Variants in AGAP3 observed in about 807,000 individuals in gnomAD.
AGAP3 encodes arf-GAP with GTPase, ANK repeat and PH domain-containing protein 3.
Under a neutral mutation model 96.9 loss-of-function variants are expected in AGAP3, and 24 were observed. The observed-to-expected ratio is 0.25, with a 90% CI of 0.18 to 0.35. AGAP3 has a LOEUF of 0.35. Among genes scored for constraint, AGAP3 ranks in the 10% least tolerant of loss-of-function variants. The probability of loss-of-function intolerance (pLI) is 1.00; values close to 1 mark genes in which losing one functional copy is unlikely to be tolerated. For missense variants in AGAP3, 876 were observed against 1,254.2 expected (o/e 0.70, Z 4.55); for synonymous variants, 563 against 536.1 (o/e 1.05, Z -0.69).
At chr7:151,111,864 C>T (rs1799302800) in intron 1 of AGAP3, among the ~76,000 whole-genome samples, 1 of 152,196 alleles carries the variant, frequency 6.6e-6, no homozygotes, top group South Asian at 2.1e-4. Flanking sequence ...TTCCGGTGGC[C>T]TTAATAAACA....
chr7:151,099,976 G>A (rs1258842584), intron 1 of AGAP3, among the ~76,000 whole-genome samples: 1 of 152,236 alleles, frequency 6.6e-6, no homozygotes, highest in Non-Finnish European at 1.5e-5. Context: ...CCCCCACCCT[G>A]GAAATGAGGT....
intron 1 of AGAP3, among the ~76,000 whole-genome samples, chr7:151,094,509 G>A (rs550762914): frequency 9.3e-5 from 14 of 150,758 alleles, no homozygotes; most frequent in African/African-American, 3.2e-4. Flanking sequence ...AATGACTCTC[G>A]TTGTTTTACT....
rs764721116 is a variant in AGAP3 at position 151,141,706 on chromosome 7, A to C, written c.1805-192A>C. 1.6e-6 allele frequency: 1 copy of C among 632,392 alleles called. No homozygotes were observed. Among genetic ancestry groups the C allele is most frequent in the Non-Finnish European group, 2.8e-6 (1 of 361,076 alleles). 39.2% of individuals were successfully genotyped at this position (632,392 alleles called of 1,614,324 possible). ...GGTTAGGAATGAGAACTGGGAGCTC[A>C]CACTAGTCTTGCAGGTTTACTCTGG... On this transcript the variant is annotated intron_variant, in intron 13 of 17. Transcript: ENST00000397238. The surrounding 1 kb of genome is among the most constrained non-coding windows in gnomAD (Gnocchi z 4.2).
intron 8 of AGAP3, chr7:151,120,752 C>T (rs1799843398): frequency 4.0e-5 from 48 of 1,200,112 alleles, no homozygotes; most frequent in Non-Finnish European, 5.1e-5. Flanking sequence ...TCAGGTTTGT[C>T]CTGTCTCCTT....
At chr7:151,112,405 G>A (rs1374321299) in intron 1 of AGAP3, among the ~76,000 whole-genome samples, 1 of 114,662 alleles carries the variant, frequency 8.7e-6, no homozygotes, top group African/African-American at 6.3e-5. Context: ...ACGTGTGTGT[G>A]TGTGTGTGTG....
chr7:151,089,451 CG>C (rs1197980573), intron 1 of AGAP3, among the ~76,000 whole-genome samples: 1 of 152,126 alleles, frequency 6.6e-6, no homozygotes, highest in Non-Finnish European at 1.5e-5. Context: ...CTAAGCCTCT[CG>C]GTGGAAAGGG....
intron 10 of AGAP3, among the ~76,000 whole-genome samples, chr7:151,130,214 T>C (rs1800350489): frequency 6.6e-6 from 1 of 152,198 alleles, no homozygotes; most frequent in Non-Finnish European, 1.5e-5. Flanking sequence ...CTTGGTGCGC[T>C]GTCTGTGCCC....
intron 1 of AGAP3, among the ~76,000 whole-genome samples, chr7:151,093,084 C>T (rs1798462553): frequency 6.6e-6 from 1 of 152,170 alleles, no homozygotes; most frequent in African/African-American, 2.4e-5. Flanking sequence ...GTACAATAGA[C>T]AGATGCTTGC....
intron 1 of AGAP3, chr7:151,112,083 G>A (rs551584078): frequency 1.3e-5 from 2 of 152,354 alleles, no homozygotes; most frequent in Admixed American, 1.3e-4. Flanking sequence ...CTGACCCAAT[G>A]AGCAAAAGAG....
intron 11 of AGAP3, 111 bp from the exon 12 acceptor site, chr7:151,138,029 AGTG>A: frequency 1.2e-6 from 1 of 846,178 alleles, no homozygotes; most frequent in Non-Finnish European, 1.8e-6. Context: ...TGATGAACCC[AGTG>A]CCCTGCTGAA....
At chr7:151,091,184 T>C (rs535535591) in intron 1 of AGAP3, among the ~76,000 whole-genome samples, 4 of 152,316 alleles carry the variant, frequency 2.6e-5, no homozygotes, top group Admixed American at 1.3e-4. Context: ...TGGGCCCTGC[T>C]GCACCACACA....
rs1425078142 is a variant in AGAP3, at chr7:151,096,499, G to T, written c.331+9427G>T. ...TTTCTTTTTTTTTTTTTGAGGTGGA[G>T]TCTCGCTCTGTCGCCCAGGCTGGAG... On this transcript the variant is annotated intron_variant, in intron 1 of 17. Coordinates refer to ENST00000397238, the MANE Select transcript of AGAP3 (RefSeq NM_031946.7). The surrounding 1 kb of genome is among the most constrained non-coding windows in gnomAD (Gnocchi z 4.4). Among the ~76,000 whole-genome samples the T allele has an allele frequency of 5.3e-5, 8 of 151,318 alleles. No individual in the cohort carries two copies. Among genetic ancestry groups the T allele is most frequent in the Non-Finnish European group, 7.4e-5 (5 of 67,834 alleles).
chr7:151,094,690 C>G (rs1215923907), intron 1 of AGAP3, among the ~76,000 whole-genome samples: 1 of 151,774 alleles, frequency 6.6e-6, no homozygotes, highest in Non-Finnish European at 1.5e-5. Flanking sequence ...TTTCTTTTTT[C>G]TTTTTGTAAA....
rs1799446443 is a variant in AGAP3, at chr7:151,114,577, T to C, written c.332-2216T>C. 4.9e-6 allele frequency: 2 copies of C among 409,168 alleles called. No homozygotes were observed. Among genetic ancestry groups the C allele is most frequent in the South Asian group, 2.1e-4 (2 of 9,694 alleles). The allele number at this position is 409,168 out of a possible 1,614,324, so 25.3% of individuals were successfully genotyped here. A position where few individuals can be genotyped will look rare whatever the true frequency, so the allele number is the denominator to read the frequency against. On this transcript the variant is annotated intron_variant, in intron 1 of 17. Transcript: ENST00000397238. This position sits in a 1 kb window ranked among gnomAD's most constrained non-coding sequence, Gnocchi z 4.4. ...TTCCAGGCCAGACTTGCCGCCTCTC[T>C]CTCCGGGCTGGGCTGACTCCCGGCC...
intron 1 of AGAP3, among the ~76,000 whole-genome samples, chr7:151,100,987 A>G (rs1407686142): frequency 6.6e-6 from 1 of 152,072 alleles, no homozygotes; most frequent in East Asian, 1.9e-4. Flanking sequence ...GCAGCCCCCC[A>G]TGGAGCTCAG....
In AGAP3 at chr7:151,134,565, A is replaced by C; in HGVS notation, c.1492A>C (p.Thr498Pro). 6.2e-7 allele frequency: 1 copy of C among 1,607,104 alleles called. No individual in the cohort carries two copies. Among genetic ancestry groups the C allele is most frequent in the Non-Finnish European group, 8.5e-7 (1 of 1,176,166 alleles). Residue 498 changes from threonine to proline, a missense_variant, in exon 11 of 18, where the codon ACA becomes CCA. Thr to Pro is a conservative substitution (Grantham distance 38, BLOSUM62 -1). Coordinates refer to ENST00000397238, the MANE Select transcript of AGAP3 (RefSeq NM_031946.7). The stretch of plus-strand genomic sequence containing the variant: ...GAGTAACACACAGCTGGGTGGGGGC[A>C]CAGGTGAGGCGGCTGCTGAGGTGGG... ...ERSNTQLGGG[T>P]GAPHSASSAS...
chr7:151,109,563 A>T (rs2150441431), intron 1 of AGAP3, among the ~76,000 whole-genome samples: 1 of 152,206 alleles, frequency 6.6e-6, no homozygotes, highest in Admixed American at 6.5e-5. Context: ...TAAGGACACG[A>T]GTCAGATTGG....
chr7:151,143,673 C>G lies in AGAP3; in HGVS notation c.2530-64C>G. The G allele has an allele frequency of 1.2e-6, 2 of 1,609,236 alleles. No individual in the cohort carries two copies. Among genetic ancestry groups the G allele is most frequent in the Middle Eastern group, 1.7e-4 (1 of 6,052 alleles). ...CTTTGAAAGCAACCTCTTCTTTCCT[C>G]CCCTACAACCAATCTCTCTCCTCCC... On this transcript the variant is annotated intron_variant, in intron 17 of 17. Coordinates refer to ENST00000397238, the MANE Select transcript of AGAP3 (RefSeq NM_031946.7). This position sits in a 1 kb window ranked among gnomAD's most constrained non-coding sequence, Gnocchi z 5.9.
chr7:151,132,641 C>T lies in AGAP3; in HGVS notation c.1327-1759C>T, dbSNP rs372216089. ...GGGCTGGACCTGGGCAGGGAGGCCG[C>T]GTGCTGATGCCAGGCCTTTCCACCA... On this transcript the variant is annotated intron_variant, in intron 10 of 17. Transcript: ENST00000397238. Among the ~76,000 whole-genome samples, 37 of 152,324 alleles carry T rather than the reference C, an allele frequency of 2.4e-4. No individual in the cohort carries two copies. The East Asian group carries it at 2.5e-3, about 10-fold the overall frequency.
Sources: gnomAD v4.1 joint callset for allele counts (sites outside exome capture counted in the v4.1 genomes callset) on GRCh38, gnomAD v4.1.1 for gene constraint, Gnocchi (gnomAD v3.1) non-coding constraint, MANE v1.5 for transcripts, NCBI Gene and HGNC (gene_info 2026-07-23, HGNC 2026-07-21) for gene names.